Variants in AHCY observed in about 807,000 individuals in gnomAD.
AHCY encodes the protein S-adenosyl-L-homocysteine hydrolase.
A neutral mutation model predicts 45.4 loss-of-function variants in AHCY; 24 were observed. That is an observed-to-expected ratio of 0.53 (90% CI 0.38 to 0.74). The LOEUF is 0.74. Ranked by LOEUF, AHCY falls within the 30% of genes least tolerant of loss-of-function variation. AHCY has a pLI of 0.00. For synonymous variants in AHCY, 245 were observed against 235.1 expected (o/e 1.04, Z -0.39); for missense variants, 449 against 594.1 (o/e 0.76, Z 2.54).
chr20:34,286,038 G>T, intron 8 of AHCY: 1 of 287,906 alleles, frequency 3.5e-6, no homozygotes, highest in South Asian at 3.3e-5. Context: ...CTGGGAGGTG[G>T]AGTTTGCAGC....
chr20:34,311,407 G>A (rs1014145187), intron 1 of AHCY: 1 of 152,256 alleles, frequency 6.6e-6, no homozygotes, highest in Admixed American at 6.5e-5. Context: ...TGGAGCTTCT[G>A]GCGGGAAGGT....
the AHCY span, among the ~76,000 whole-genome samples, chr20:34,274,515 CTAA>C: frequency 3.3e-5 from 5 of 152,172 alleles, no homozygotes; most frequent in South Asian, 2.1e-4. Flanking sequence ...CCCCAGCTCT[CTAA>C]TGAGACCTTG....
chr20:34,269,999 C>G, the AHCY span, among the ~76,000 whole-genome samples: 1 of 133,982 alleles, frequency 7.5e-6, no homozygotes, highest in Non-Finnish European at 1.6e-5. Flanking sequence ...AGAAAGAAAT[C>G]CGAGGCTGGA....
At chr20:34,266,829 C>A in the AHCY span, among the ~76,000 whole-genome samples, 1 of 152,210 alleles carries the variant, frequency 6.6e-6, no homozygotes, top group African/African-American at 2.4e-5. Context: ...CATTCACGTA[C>A]CACCTAAAAT....
Position 34,292,354 on chromosome 20 carries a change from T to A in AHCY, c.445+4A>T, listed in dbSNP as rs765416734. The A allele has an allele frequency of 1.9e-6, 3 of 1,612,668 alleles. No homozygotes were observed. The highest frequency in any genetic ancestry group is 2.5e-6 in the Non-Finnish European group (3 of 1,179,820). ...ACCCAGCCCACCTGCCCCGCCCTGC[T>A]CACCTGGCAGAAGCTGCGGGTACTT... On this transcript the variant is annotated splice_donor_region_variant and intron_variant, in intron 4 of 9. Coordinates refer to ENST00000217426, the MANE Select transcript of AHCY (RefSeq NM_000687.4).
chr20:34,286,361 T>C (rs1232316865), intron 8 of AHCY: 3 of 153,540 alleles, frequency 2.0e-5, no homozygotes, highest in Non-Finnish European at 4.3e-5. Context: ...AACTGAAGTT[T>C]ACAAGGGTTA....
chr20:34,281,570 C>T (rs2036002525), intron 9 of AHCY: 1 of 305,338 alleles, frequency 3.3e-6, no homozygotes, highest in Admixed American at 4.4e-5. Context: ...CTCACCAGTT[C>T]CAAGTCTATT....
At position 34,295,539 on chromosome 20, in the gene AHCY, A is replaced by G; in HGVS notation, c.75T>C (p.Ala25=). 1 of 1,614,134 alleles carries G rather than the reference A, an allele frequency of 6.2e-7. No homozygotes were observed. Among genetic ancestry groups the G allele is most frequent in the Non-Finnish European group, 8.5e-7 (1 of 1,180,008 alleles). Residue 25 remains alanine, a synonymous_variant, in exon 2 of 10, where the codon GCT becomes GCC. Coordinates refer to ENST00000217426, the MANE Select transcript of AHCY (RefSeq NM_000687.4). ...GCATCAGGCCCGGCATCTCGTTCTC[A>G]GCAATGTCCAGGGCCTTGCGTCCCC... ...AAWGRKALDI[A]ENEMPGLMRM...
At chr20:34,302,892 G>C (rs564188860) in intron 1 of AHCY, 2 of 985,344 alleles carry the variant, frequency 2.0e-6, no homozygotes, top group African/African-American at 1.7e-5. Context: ...TCCAGGCCTA[G>C]GAGGCCGGGC....
chr20:34,278,017 C>A (rs536953914), downstream of AHCY, among the ~76,000 whole-genome samples: 6 of 152,242 alleles, frequency 3.9e-5, no homozygotes, highest in South Asian at 1.0e-3. Context: ...ACTGCAGGAC[C>A]CTTGGCCAAT....
intron 1 of AHCY, among the ~76,000 whole-genome samples, chr20:34,301,521 T>C (rs1365009456): frequency 6.6e-6 from 1 of 152,224 alleles, no homozygotes; most frequent in Non-Finnish European, 1.5e-5. Flanking sequence ...ATCTGTAAAG[T>C]GTGGATAATC....
downstream of AHCY, among the ~76,000 whole-genome samples, chr20:34,276,214 C>G (rs139240205): frequency 6.6e-6 from 1 of 152,106 alleles, no homozygotes; most frequent in Non-Finnish European, 1.5e-5. Context: ...ACACTGGGGA[C>G]GTTGTTAAAA....
At chr20:34,235,910 G>GCGGGAGGGAGGGAA in the AHCY span, among the ~76,000 whole-genome samples, 8 of 109,364 alleles carry the variant, frequency 7.3e-5, no homozygotes, top group African/African-American at 7.4e-4. Flanking sequence ...AAGGAAGGAA[G>GCGGGAGGGAGGGAA]GAAGGAAGGA....
At chr20:34,291,161 G>C (rs1337929776) in intron 5 of AHCY, among the ~76,000 whole-genome samples, 2 of 152,174 alleles carry the variant, frequency 1.3e-5, no homozygotes, top group African/African-American at 4.8e-5. Flanking sequence ...GCCTTCCTAG[G>C]CATCAGTTAC....
chr20:34,310,530 C>T (rs1361328401), intron 1 of AHCY, among the ~76,000 whole-genome samples: 3 of 152,152 alleles, frequency 2.0e-5, no homozygotes, highest in Non-Finnish European at 2.9e-5. Flanking sequence ...AGATTACAAA[C>T]CCGCATGCCC....
the AHCY span, among the ~76,000 whole-genome samples, chr20:34,256,335 G>A: frequency 6.6e-6 from 1 of 152,110 alleles, no homozygotes; most frequent in Non-Finnish European, 1.5e-5. Flanking sequence ...TGGTGGTAGT[G>A]GTCCCCCGGA....
At chr20:34,246,326 G>A in the AHCY span, 5 of 1,548,676 alleles carry the variant, frequency 3.2e-6, no homozygotes, top group East Asian at 1.2e-4. Context: ...TTGTTTGGGT[G>A]AATTTTCTAC....
At chr20:34,279,109 C>CAAA (rs11467322), downstream of AHCY, among the ~76,000 whole-genome samples, 46 of 55,630 alleles carry the variant, frequency 8.3e-4, no homozygotes, top group African/African-American at 1.3e-3. Flanking sequence ...GACTCCGTCT[C>CAAA]AAAAAAAAAA....
chr20:34,249,346 CG>C, the AHCY span, among the ~76,000 whole-genome samples: 1 of 147,770 alleles, frequency 6.8e-6, no homozygotes, highest in African/African-American at 2.5e-5. Context: ...CTGAGATATC[CG>C]ATGCCCAGAG....
Sources: gnomAD v4.1 joint callset for allele counts (sites outside exome capture counted in the v4.1 genomes callset) on GRCh38, gnomAD v4.1.1 for gene constraint, MANE v1.5 for transcripts, NCBI Gene and HGNC (gene_info 2026-07-23, HGNC 2026-07-21) for gene names.